The following MAN1A1 variants were observed in gnomAD, a reference collection of about 807,000 sequenced individuals.
MAN1A1 encodes mannosyl-oligosaccharide 1,2-alpha-mannosidase IA.
Under a neutral mutation model 70.8 loss-of-function variants are expected in MAN1A1, and 29 were observed. The observed-to-expected ratio is 0.41, with a 90% CI of 0.31 to 0.56. The LOEUF is 0.56. Ranked by LOEUF, MAN1A1 falls within the 20% of genes least tolerant of loss-of-function variation. The pLI, the probability that MAN1A1 is intolerant of heterozygous loss-of-function variation, is 0.29. For synonymous variants in MAN1A1, 349 were observed against 330.1 expected, an observed-to-expected ratio of 1.06 and a Z score of -0.62; for missense variants, 747 against 841.3, an observed-to-expected ratio of 0.89 and a Z score of 1.39.
chr6:119,239,264 A>G (rs186731092), intron 6 of MAN1A1, among the ~76,000 whole-genome samples: 1 of 152,234 alleles, frequency 6.6e-6, no homozygotes, highest in South Asian at 2.1e-4. Context: ...CATGATTGCT[A>G]AATCACCAAA....
At chr6:119,237,735 G>A (rs1173019335) in intron 6 of MAN1A1, among the ~76,000 whole-genome samples, 2 of 152,080 alleles carry the variant, frequency 1.3e-5, no homozygotes, top group Admixed American at 6.5e-5. Context: ...TCTAGGTCCT[G>A]TCATAAATGT....
chr6:119,290,014 T>C (rs763101666), intron 5 of MAN1A1, among the ~76,000 whole-genome samples: 2 of 152,028 alleles, frequency 1.3e-5, no homozygotes, highest in Non-Finnish European at 2.9e-5. Context: ...ACTCAAACGA[T>C]ATTCATAAAG....
At chr6:119,232,189 A>C (rs533656773) in intron 6 of MAN1A1, among the ~76,000 whole-genome samples, 5 of 152,056 alleles carry the variant, frequency 3.3e-5, no homozygotes, top group South Asian at 2.1e-4. Context: ...TGGCTAACAC[A>C]GTGAAACCTC....
chr6:119,259,378 T>C (rs2114348882), intron 5 of MAN1A1, among the ~76,000 whole-genome samples: 1 of 152,316 alleles, frequency 6.6e-6, no homozygotes, highest in African/African-American at 2.4e-5. Flanking sequence ...GAGCAATTAA[T>C]TACCATATTA....
intron 2 of MAN1A1, among the ~76,000 whole-genome samples, chr6:119,342,673 A>C (rs977929966): frequency 3.3e-5 from 5 of 152,202 alleles, no homozygotes; most frequent in Admixed American, 3.3e-4. Flanking sequence ...ATCCCAAAAG[A>C]GAATCGCCAG....
At chr6:119,334,824 T>C (rs920464347) in intron 2 of MAN1A1, among the ~76,000 whole-genome samples, 2 of 152,232 alleles carry the variant, frequency 1.3e-5, no homozygotes, top group Non-Finnish European at 2.9e-5. Context: ...GAATGAAACA[T>C]TTTCAGCTTT....
intron 4 of MAN1A1, among the ~76,000 whole-genome samples, chr6:119,292,137 T>C (rs905532007): frequency 6.6e-6 from 1 of 152,044 alleles, no homozygotes; most frequent in African/African-American, 2.4e-5. Flanking sequence ...GTCATATAAT[T>C]AGTAATTACT....
intron 7 of MAN1A1, among the ~76,000 whole-genome samples, chr6:119,202,344 C>T (rs999918054): frequency 6.6e-6 from 1 of 151,994 alleles, no homozygotes; most frequent in Non-Finnish European, 1.5e-5. Flanking sequence ...CACTGTCTTC[C>T]ACTTCTACAT....
intron 5 of MAN1A1, among the ~76,000 whole-genome samples, chr6:119,279,478 G>T (rs1776168983): frequency 6.6e-6 from 1 of 152,204 alleles, no homozygotes; most frequent in African/African-American, 2.4e-5. Flanking sequence ...TATAAGGATT[G>T]AGGCTACCAT....
At chr6:119,257,986 T>C (rs1050304773) in intron 5 of MAN1A1, among the ~76,000 whole-genome samples, 1 of 152,138 alleles carries the variant, frequency 6.6e-6, no homozygotes, top group Non-Finnish European at 1.5e-5. Context: ...ACACTAAATA[T>C]GACAAATAAT....
intron 5 of MAN1A1, among the ~76,000 whole-genome samples, chr6:119,256,104 C>T (rs1775450797): frequency 6.6e-6 from 1 of 151,996 alleles, no homozygotes; most frequent in Non-Finnish European, 1.5e-5. Context: ...AAAAAGGCTA[C>T]ACATGCTATC....
At chr6:119,345,069 C>A (rs994844535) in intron 2 of MAN1A1, among the ~76,000 whole-genome samples, 4 of 151,950 alleles carry the variant, frequency 2.6e-5, no homozygotes, top group Non-Finnish European at 5.9e-5. Context: ...TTAGCCCCAG[C>A]CCCTATTACT....
rs531092554 is a variant in MAN1A1, at chr6:119,211,687, A to G, written c.993-6805T>C. Among the ~76,000 whole-genome samples the G allele has an allele frequency of 6.6e-5, 10 of 152,334 alleles. No individual in the cohort carries two copies. The East Asian group carries it at 1.9e-3, about 29-fold the overall frequency. ...CTGAAGTGACTTCTAAGAGTCAAGA[A>G]AAGGTGAAATGAGGAAAATAACAAC... On this transcript the variant is annotated intron_variant, in intron 6 of 12. Coordinates refer to ENST00000368468, the MANE Select transcript of MAN1A1 (RefSeq NM_005907.4).
At chr6:119,341,268 A>G (rs1582818305) in intron 2 of MAN1A1, among the ~76,000 whole-genome samples, 1 of 152,150 alleles carries the variant, frequency 6.6e-6, no homozygotes, top group Admixed American at 6.5e-5. Context: ...TTCTTAGGCA[A>G]TCCCCTACCC....
chr6:119,345,006 G>A (rs1205336618), intron 2 of MAN1A1, among the ~76,000 whole-genome samples: 2 of 152,108 alleles, frequency 1.3e-5, no homozygotes, highest in African/African-American at 2.4e-5. Flanking sequence ...ACTTAGGTTG[G>A]TGAGGATTCC....
chr6:119,180,161 T>C (rs1773112428), intron 12 of MAN1A1, 151 bp downstream of exon 12: 1 of 709,982 alleles, frequency 1.4e-6, no homozygotes, highest in Non-Finnish European at 2.4e-6. Context: ...TCACTGAACC[T>C]AGTTATTGAG....
At chr6:119,232,328 A>C (rs1202335083) in intron 6 of MAN1A1, among the ~76,000 whole-genome samples, 1 of 149,348 alleles carries the variant, frequency 6.7e-6, no homozygotes, top group African/African-American at 2.5e-5. Context: ...AGCCAAGATT[A>C]CACCACTGCA....
chr6:119,275,787 A>G (rs1776047886), intron 5 of MAN1A1, among the ~76,000 whole-genome samples: 1 of 152,198 alleles, frequency 6.6e-6, no homozygotes, highest in African/African-American at 2.4e-5. Context: ...ACTGATAAGC[A>G]AGTAAACAGA....
chr6:119,338,605 CT>C (rs1773523919), intron 2 of MAN1A1, among the ~76,000 whole-genome samples: 1 of 152,188 alleles, frequency 6.6e-6, no homozygotes, highest in East Asian at 1.9e-4. Context: ...ATTTGGACTA[CT>C]TTTGATCTTC....
Sources: gnomAD v4.1 joint callset for allele counts (sites outside exome capture counted in the v4.1 genomes callset) on GRCh38, gnomAD v4.1.1 for gene constraint, MANE v1.5 for transcripts, NCBI Gene and HGNC (gene_info 2026-07-23, HGNC 2026-07-21) for gene names.